The following PCDH9 variants were observed in gnomAD, a reference collection of about 807,000 sequenced individuals.
PCDH9 encodes the protein protocadherin-9.
In PCDH9, 24 loss-of-function variants were observed where a neutral mutation model predicts 70.6. The ratio of observed to expected loss-of-function variants is 0.34; its 90% CI spans 0.25 to 0.48. The LOEUF (loss-of-function observed/expected upper bound fraction) is 0.48. Among genes scored for constraint, PCDH9 ranks in the 20% least tolerant of loss-of-function variants. PCDH9 has a pLI of 0.99. For missense variants in PCDH9, 1,281 were observed against 1,503.6 expected (o/e 0.85, Z 2.45); for synonymous variants, 562 against 558.5 (o/e 1.01, Z -0.09).
intron 4 of PCDH9, among the ~76,000 whole-genome samples, chr13:66,353,563 G>A (rs557723145): frequency 6.6e-6 from 1 of 152,168 alleles, no homozygotes; most frequent in South Asian, 2.1e-4. Flanking sequence ...CAAATTTTTA[G>A]ATACACTTAC....
At chr13:67,094,662 CT>C (rs1216468682) in intron 2 of PCDH9, among the ~76,000 whole-genome samples, 1 of 145,318 alleles carries the variant, frequency 6.9e-6, no homozygotes, top group Non-Finnish European at 1.6e-5. Flanking sequence ...CCAGATTCTT[CT>C]TCTTTTTTTT....
intron 4 of PCDH9, 90 bp downstream of exon 4, chr13:66,631,120 A>G (rs1566468779): frequency 2.9e-6 from 2 of 687,950 alleles, no homozygotes; most frequent in Non-Finnish European, 5.3e-6. Context: ...CTAAATGTTC[A>G]TCCTTGCCCC....
chr13:67,112,642 T>C (rs1285532693), intron 2 of PCDH9, among the ~76,000 whole-genome samples: 11 of 150,300 alleles, frequency 7.3e-5, no homozygotes, highest in African/African-American at 2.2e-4. Flanking sequence ...TTTCTCTCTT[T>C]CTCTCTCCCT....
At chr13:66,777,461 G>C (rs2079916061) in intron 3 of PCDH9, among the ~76,000 whole-genome samples, 1 of 152,112 alleles carries the variant, frequency 6.6e-6, no homozygotes, top group African/African-American at 2.4e-5. Flanking sequence ...CCATCAAAAA[G>C]TGGGCAAAGG....
chr13:66,869,653 T>A (rs1256046329), intron 3 of PCDH9, among the ~76,000 whole-genome samples: 1 of 152,174 alleles, frequency 6.6e-6, no homozygotes, highest in African/African-American at 2.4e-5. Context: ...TTATGTTTAG[T>A]TGCTATAAAA....
chr13:66,384,983 T>C (rs536431155), intron 4 of PCDH9, among the ~76,000 whole-genome samples: 2 of 152,058 alleles, frequency 1.3e-5, no homozygotes, highest in Non-Finnish European at 2.9e-5. Flanking sequence ...TCTGCCACTT[T>C]ATACCTTTTG....
intron 2 of PCDH9, among the ~76,000 whole-genome samples, chr13:66,910,322 G>A (rs2082439228): frequency 6.6e-6 from 1 of 152,110 alleles, no homozygotes; most frequent in African/African-American, 2.4e-5. Flanking sequence ...CCATTAAATA[G>A]ACCAGTTGGC....
intron 4 of PCDH9, among the ~76,000 whole-genome samples, chr13:66,335,712 T>C (rs1184875823): frequency 6.6e-6 from 1 of 152,158 alleles, no homozygotes; most frequent in Non-Finnish European, 1.5e-5. Flanking sequence ...GATGAAATAT[T>C]GTGTTACTGT....
chr13:66,793,823 C>T (rs1030548970), intron 3 of PCDH9, among the ~76,000 whole-genome samples: 4 of 152,098 alleles, frequency 2.6e-5, no homozygotes, highest in Admixed American at 2.6e-4. Context: ...CTGTTACATT[C>T]AAGCAAGTAG....
intron 4 of PCDH9, among the ~76,000 whole-genome samples, chr13:66,518,464 A>G (rs1220821050): frequency 6.6e-6 from 1 of 152,182 alleles, no homozygotes; most frequent in Non-Finnish European, 1.5e-5. Flanking sequence ...AGTGAAATTT[A>G]GAAATAATAG....
At position 66,967,044 on chromosome 13, in the gene PCDH9, A is replaced by G. The variant is rs370465815; in HGVS notation, c.3037-63439T>C. The stretch of plus-strand genomic sequence containing the variant: ...GGCAGATCAATGTAAAAGAAAAGGA[A>G]CAAGGAAGGAGGACTATGCCAAGGT... On this transcript the variant is annotated intron_variant, in intron 2 of 4. Coordinates refer to ENST00000377865, the MANE Select transcript of PCDH9 (RefSeq NM_203487.3). 2.6e-5 allele frequency among the ~76,000 whole-genome samples: 4 copies of G among 152,218 alleles called. No homozygotes were observed. The East Asian group carries it at 7.7e-4, about 29-fold the overall frequency.
intron 2 of PCDH9, among the ~76,000 whole-genome samples, chr13:67,172,228 C>T (rs751316343): frequency 3.5e-4 from 54 of 152,256 alleles, no homozygotes; most frequent in Admixed American, 9.8e-4. Context: ...CTCACGGCAT[C>T]CCCTGGGAGA....
chr13:66,739,215 C>A (rs909019693), intron 3 of PCDH9, among the ~76,000 whole-genome samples: 5 of 134,372 alleles, frequency 3.7e-5, no homozygotes, highest in Admixed American at 7.9e-5. Context: ...GAATTTTCAA[C>A]CCAGAATTTC....
intron 2 of PCDH9, among the ~76,000 whole-genome samples, chr13:66,982,235 C>T (rs975939907): frequency 6.6e-6 from 1 of 152,174 alleles, no homozygotes; most frequent in African/African-American, 2.4e-5. Context: ...ATGTCAGCCC[C>T]ATGCTTGTAC....
chr13:66,413,041 C>T (rs1566306424), intron 4 of PCDH9, among the ~76,000 whole-genome samples: 1 of 152,138 alleles, frequency 6.6e-6, no homozygotes, highest in Non-Finnish European at 1.5e-5. Flanking sequence ...ATACCTAATT[C>T]CAAGTACATT....
chr13:66,572,838 C>G (rs2076752409), intron 4 of PCDH9, among the ~76,000 whole-genome samples: 1 of 152,080 alleles, frequency 6.6e-6, no homozygotes, highest in South Asian at 2.1e-4. Flanking sequence ...CAGCTTACTG[C>G]AGCCTCACCC....
At chr13:66,326,506 C>T (rs961879355) in intron 4 of PCDH9, among the ~76,000 whole-genome samples, 1 of 152,032 alleles carries the variant, frequency 6.6e-6, no homozygotes, top group African/African-American at 2.4e-5. Flanking sequence ...GCAAGCTCCG[C>T]CTCCCGGGTT....
At chr13:67,019,188 C>CTTTTTTTTTTT (rs60154161) in intron 2 of PCDH9, among the ~76,000 whole-genome samples, 1 of 102,728 alleles carries the variant, frequency 9.7e-6, no homozygotes. Context: ...GGCAGTTGCT[C>CTTTTTTTTTTT]TTTTTTTTTT....
intron 2 of PCDH9, among the ~76,000 whole-genome samples, chr13:67,012,620 T>G (rs1190660478): frequency 6.6e-6 from 1 of 151,958 alleles, no homozygotes; most frequent in African/African-American, 2.4e-5. Flanking sequence ...ATACGTTGAA[T>G]GGTTAGTGAG....
Sources: gnomAD v4.1 joint callset for allele counts (sites outside exome capture counted in the v4.1 genomes callset) on GRCh38, gnomAD v4.1.1 for gene constraint, MANE v1.5 for transcripts, NCBI Gene and HGNC (gene_info 2026-07-23, HGNC 2026-07-21) for gene names.